RADIL: variants seen among roughly 807,000 people sequenced by gnomAD.
The protein encoded by RADIL is Rap associating with DIL domain.
Under a neutral mutation model 97.6 loss-of-function variants are expected in RADIL, and 99 were observed. The ratio of observed to expected loss-of-function variants is 1.01; its 90% CI spans 0.86 to 1.20. The LOEUF is 1.20. Ranked by LOEUF, RADIL falls within the 50% of genes most tolerant of loss-of-function variation. The probability of loss-of-function intolerance (pLI) is 0.00; values close to 1 mark genes in which losing one functional copy is unlikely to be tolerated. For missense variants in RADIL, 1,765 were observed against 1,498.9 expected (o/e 1.18, Z -2.93); for synonymous variants, 803 against 691.8 (o/e 1.16, Z -2.52).
chr7:4,800,053 C>T, intron 13 of RADIL, 118 bp downstream of exon 13: 2 of 1,401,840 alleles, frequency 1.4e-6, no homozygotes, highest in Non-Finnish European at 1.9e-6. Flanking sequence ...CAACCCCACT[C>T]TCCTCCCCGA....
rs115752259 is a variant in RADIL at position 4,834,011 on chromosome 7, C to T, written c.1416+596G>A. ...AATCCTCTGCAATGCACAGGCCAGC[C>T]TCACAGCAAGGAGCTCTCCTGCCAC... On this transcript the variant is annotated intron_variant, in intron 4 of 14. Coordinates refer to ENST00000399583, the MANE Select transcript of RADIL (RefSeq NM_018059.5). This position sits in a 1 kb window ranked among gnomAD's most constrained non-coding sequence, Gnocchi z 6.0. 5.1e-4 allele frequency among the ~76,000 whole-genome samples: 77 copies of T among 152,290 alleles called. No homozygotes were observed. Among genetic ancestry groups the T allele is most frequent in the African/African-American group, 1.8e-3 (73 of 41,558 alleles).
chr7:4,799,783 G>T lies in RADIL; in HGVS notation c.2983-14C>A. 6.6e-7 allele frequency: 1 copy of T among 1,508,414 alleles called. No homozygotes were observed. The allele number at this position is 1,508,414 out of a possible 1,614,324, so 93.4% of individuals were successfully genotyped here. On this transcript the variant is annotated splice_polypyrimidine_tract_variant and intron_variant, in intron 13 of 14. Transcript: ENST00000399583. ...CAGGTGCGTGTGCTGGGGACAAGCA[G>T]AGGCCTCAGAGCTCCGCAGGCCCGA...
intron 12 of RADIL, among the ~76,000 whole-genome samples, chr7:4,801,292 C>T (rs1490204108): frequency 6.6e-6 from 1 of 152,246 alleles, no homozygotes; most frequent in Non-Finnish European, 1.5e-5. Context: ...AGGACTCCAG[C>T]TCCACCTTCT....
chr7:4,853,428 T>C (rs1783754913), intron 2 of RADIL, among the ~76,000 whole-genome samples: 1 of 152,104 alleles, frequency 6.6e-6, no homozygotes, highest in Admixed American at 6.6e-5. Flanking sequence ...GGAGATTCCA[T>C]GTGCCACTGC....
intron 2 of RADIL, chr7:4,859,873 G>A (rs1583314239): frequency 4.7e-6 from 7 of 1,478,756 alleles, no homozygotes; most frequent in Non-Finnish European, 6.5e-6. Context: ...TCTTTATGAG[G>A]CAAGAATATC....
At chr7:4,803,826 C>T (rs1239955646) in intron 10 of RADIL, 72 bp from the exon 11 acceptor site, 5 of 1,382,208 alleles carry the variant, frequency 3.6e-6, no homozygotes, top group South Asian at 1.2e-5. Flanking sequence ...CCCCGCCCAA[C>T]GGTGTGGGAA....
Position 4,877,765 on chromosome 7 carries a change from C to T in RADIL, c.375G>A (p.Arg125=), listed in dbSNP as rs1784404717. 3 of 1,613,400 alleles carry T rather than the reference C, an allele frequency of 1.9e-6. No individual in the cohort carries two copies. Among genetic ancestry groups the T allele is most frequent in the Non-Finnish European group, 8.5e-7 (1 of 1,180,022 alleles). The change falls in exon 2 of 15, where the codon CGG becomes CGA. Residue 125 remains arginine, a synonymous_variant. Transcript: ENST00000399583. ...ACACCCGAAAGCACCGGGCCTGCCA[C>T]CGCTGCCCAGCATCGCCGGCTTGGC... ...VVGQAGDAGQ[R]WQARCFRVFG...
chr7:4,800,098 C>CGGCCAGGCTTGCAGGAACAGGCGG, intron 13 of RADIL, 73 bp downstream of exon 13: 1 of 1,518,428 alleles, frequency 6.6e-7, no homozygotes, highest in Non-Finnish European at 8.8e-7. Flanking sequence ...ACGCAAGCTG[C>CGGCCAGGCTTGCAGGAACAGGCGG]GGCCAGGCTT....
Position 4,835,636 on chromosome 7 carries a change from GGAGCACTGCCGCCTGTGTGA to G in RADIL, c.784-417_784-398del, listed in dbSNP as rs1469691465. Among the ~76,000 whole-genome samples the G allele has an allele frequency of 2.7e-4, 41 of 152,112 alleles. No individual in the cohort carries two copies. The highest frequency in any genetic ancestry group is 4.4e-4 in the Non-Finnish European group (30 of 68,028). The stretch of plus-strand genomic sequence containing the variant: ...GTGTGGGAGCACCACCCCCAGTGTG[GGAGCACTGCCGCCTGTGTGA>G]GAGCACTGCCCCGAGGGAAGATGCC... On this transcript the variant is annotated intron_variant, in intron 3 of 14. Coordinates refer to ENST00000399583, the MANE Select transcript of RADIL (RefSeq NM_018059.5). The surrounding 1 kb of genome is among the most constrained non-coding windows in gnomAD (Gnocchi z 5.8).
rs1783412484 is a variant in RADIL, at chr7:4,840,477, G to A, written c.536-3872C>T. On this transcript the variant is annotated intron_variant, in intron 2 of 14. Transcript: ENST00000399583. This position sits in a 1 kb window ranked among gnomAD's most constrained non-coding sequence, Gnocchi z 5.6. ...ATCGCTAGACACACAGCGTGGAGTT[G>A]TCAAGGCCCTCAGACCCGGCAGCAC... is the stretch of plus-strand genomic sequence containing the variant. Among the ~76,000 whole-genome samples, 1 of 152,164 alleles carries A rather than the reference G, an allele frequency of 6.6e-6. No individual in the cohort carries two copies. Among genetic ancestry groups the A allele is most frequent in the African/African-American group, 2.4e-5 (1 of 41,436 alleles).
chr7:4,820,539 C>T (rs528614048), intron 6 of RADIL, among the ~76,000 whole-genome samples: 2 of 152,344 alleles, frequency 1.3e-5, no homozygotes, highest in Non-Finnish European at 2.9e-5. Context: ...TTGACACTAC[C>T]CCCACATATT....
intron 2 of RADIL, chr7:4,857,698 T>G (rs1783867571): frequency 6.6e-6 from 1 of 152,658 alleles, no homozygotes; most frequent in Admixed American, 6.5e-5. Flanking sequence ...TATCTTAGAT[T>G]TAAATCGTAC....
chr7:4,800,300 T>A lies in RADIL; in HGVS notation c.2853A>T (p.Ala951=). ...LRGAAPEGDS[A]ALAEESPPAP... is the part of the protein sequence containing the mutation. ...CTGGAGGGGACTCCTCCGCAAGGGCTGCAGAGTCTCCTGGGTGGGGGCCAG... is the reference window on the plus strand; with the variant it reads ...CTGGAGGGGACTCCTCCGCAAGGGCAGCAGAGTCTCCTGGGTGGGGGCCAG... Residue 951 remains alanine, a synonymous_variant, in exon 13 of 15, where the codon GCA becomes GCT. Transcript: ENST00000399583. The A allele has an allele frequency of 6.8e-7, 1 of 1,472,828 alleles. No individual in the cohort carries two copies. Among genetic ancestry groups the A allele is most frequent in the Non-Finnish European group, 9.0e-7 (1 of 1,113,130 alleles). 91.2% of individuals were successfully genotyped at this position (1,472,828 alleles called of 1,614,324 possible).
chr7:4,869,504 T>C (rs73318118), intron 2 of RADIL, among the ~76,000 whole-genome samples: 2,237 of 151,714 alleles, frequency 0.015, 58 homozygotes, highest in African/African-American at 0.052. Context: ...GACACGTAGG[T>C]CTCTGATGCA....
At chr7:4,861,793 C>G in intron 2 of RADIL, 4 of 1,449,136 alleles carry the variant, frequency 2.8e-6, no homozygotes, top group Non-Finnish European at 3.6e-6. Flanking sequence ...CCTGGGTTGT[C>G]ACCGGAAACG....
chr7:4,832,248 C>CGT (rs1554262950), intron 4 of RADIL, 70 bp from the exon 5 acceptor site: 3 of 1,456,194 alleles, frequency 2.1e-6, no homozygotes, highest in Admixed American at 1.9e-5. Context: ...TTCAAATACA[C>CGT]GATACCATCG....
Position 4,800,305 on chromosome 7 carries a change from A to T in RADIL, c.2848T>A (p.Ser950Thr). The T allele has an allele frequency of 6.8e-7, 1 of 1,467,298 alleles. No homozygotes were observed. Among genetic ancestry groups the T allele is most frequent in the South Asian group, 1.4e-5 (1 of 69,946 alleles). The allele number at this position is 1,467,298 out of a possible 1,614,324, so 90.9% of individuals were successfully genotyped here. A position where few individuals can be genotyped will look rare whatever the true frequency, so the allele number is the denominator to read the frequency against. The change falls in exon 13 of 15, where the codon TCT becomes ACT. Residue 950 changes from serine to threonine, a missense_variant. Transcript: ENST00000399583. ...GGGGACTCCTCCGCAAGGGCTGCAG[A>T]GTCTCCTGGGTGGGGGCCAGGAAAG... ...GLRGAAPEGD[S>T]AALAEESPPA...
Position 4,801,885 on chromosome 7 carries a change from G to A in RADIL, c.2610C>T (p.Pro870=), listed in dbSNP as rs749494229. 2.5e-6 allele frequency: 4 copies of A among 1,589,514 alleles called. No homozygotes were observed. The highest frequency in any genetic ancestry group is 3.5e-5 in the Admixed American group (2 of 56,564). Residue 870 remains proline, a synonymous_variant, in exon 12 of 15, where the codon CCC becomes CCT. Transcript: ENST00000399583. Reference sequence around the variant, plus strand: ...CCTGTGCCCAGGGAGCCCCCCTCAAGGGAAGAGTACGCTCCGGGGCCACTT... The same window carrying A: ...CCTGTGCCCAGGGAGCCCCCCTCAAAGGAAGAGTACGCTCCGGGGCCACTT... The part of the protein sequence containing the change: ...AREVAPERTL[P]LRGAPWAQAP...
At chr7:4,811,314 G>C (rs891860720) in intron 9 of RADIL, 3 of 152,412 alleles carry the variant, frequency 2.0e-5, no homozygotes, top group African/African-American at 7.2e-5. Context: ...TTTGGGCTGC[G>C]TTTCTCTGAT....
Sources: allele counts gnomAD v4.1 joint callset (sites outside exome capture counted in the v4.1 genomes callset), GRCh38; gene constraint gnomAD v4.1.1; non-coding constraint Gnocchi (gnomAD v3.1); transcripts MANE v1.5; gene names NCBI Gene and HGNC (gene_info 2026-07-23, HGNC 2026-07-21).